SAMD3: variants seen among roughly 807,000 people sequenced by gnomAD.
SAMD3 encodes the protein sterile alpha motif domain-containing protein 3.
SAMD3 carries 63 observed loss-of-function variants against 58.5 expected under a neutral mutation model. The ratio of observed to expected loss-of-function variants is 1.08; its 90% CI spans 0.88 to 1.33. SAMD3 has a LOEUF of 1.33. Ranked by LOEUF, SAMD3 falls within the 40% of genes most tolerant of loss-of-function variation. SAMD3 has a pLI of 0.00. For missense variants in SAMD3, 604 were observed against 608.4 expected (o/e 0.99, Z 0.08); for synonymous variants, 220 against 210.3 (o/e 1.05, Z -0.40).
chr6:130,356,419 C>T (rs1562538872), intron 1 of SAMD3, among the ~76,000 whole-genome samples: 1 of 152,206 alleles, frequency 6.6e-6, no homozygotes, highest in Non-Finnish European at 1.5e-5. Context: ...AAGAGAACTT[C>T]TCTGATATTC....
At chr6:130,216,089 G>A (rs1205289682) in intron 2 of SAMD3, among the ~76,000 whole-genome samples, 1 of 56,526 alleles carries the variant, frequency 1.8e-5, no homozygotes, top group Non-Finnish European at 3.5e-5. Context: ...CGTGAAAGAA[G>A]CGTAGGCAAG....
chr6:130,210,764 C>G (rs1056383920), intron 4 of SAMD3, among the ~76,000 whole-genome samples: 3 of 152,098 alleles, frequency 2.0e-5, no homozygotes, highest in Non-Finnish European at 4.4e-5. Flanking sequence ...ATACCCTCCT[C>G]CCTTTTAGAA....
chr6:130,262,982 CT>C (rs1243860285), intron 2 of SAMD3, among the ~76,000 whole-genome samples: 5 of 152,052 alleles, frequency 3.3e-5, no homozygotes, highest in African/African-American at 9.7e-5. Flanking sequence ...TAAAAAGAAT[CT>C]ATAAAATCTT....
chr6:130,299,644 A>G (rs918986463), intron 2 of SAMD3, among the ~76,000 whole-genome samples: 1 of 152,186 alleles, frequency 6.6e-6, no homozygotes, highest in Admixed American at 6.5e-5. Context: ...AGGCCAAAAA[A>G]CCAGACAAAG....
chr6:130,275,873 A>G (rs1015523990), intron 2 of SAMD3, among the ~76,000 whole-genome samples: 2 of 152,078 alleles, frequency 1.3e-5, no homozygotes, highest in Non-Finnish European at 2.9e-5. Flanking sequence ...CCTTGCTCGG[A>G]CATCTTTTAA....
At chr6:130,317,086 A>G (rs1336352536) in intron 1 of SAMD3, among the ~76,000 whole-genome samples, 2 of 152,158 alleles carry the variant, frequency 1.3e-5, no homozygotes, top group Non-Finnish European at 2.9e-5. Flanking sequence ...CTGAGTTACA[A>G]TTTGGATGTA....
At chr6:130,215,055 A>G in intron 3 of SAMD3, 140 bp downstream of exon 3, 1 of 486,606 alleles carries the variant, frequency 2.1e-6, no homozygotes, top group East Asian at 3.3e-5. Context: ...AAAGAAATGA[A>G]AAGTTCTCTA....
chr6:130,337,072 C>G (rs973043714), intron 1 of SAMD3, among the ~76,000 whole-genome samples: 3 of 152,144 alleles, frequency 2.0e-5, no homozygotes, highest in African/African-American at 7.2e-5. Flanking sequence ...CAGCTGGGTG[C>G]CTTGATATGG....
At chr6:130,186,390 A>T (rs1377302061) in intron 5 of SAMD3, among the ~76,000 whole-genome samples, 1 of 152,172 alleles carries the variant, frequency 6.6e-6, no homozygotes, top group East Asian at 1.9e-4. Context: ...ATCTATTTTT[A>T]TGATAAGCTC....
chr6:130,316,620 GA>G (rs1776382353), intron 1 of SAMD3, among the ~76,000 whole-genome samples: 1 of 152,154 alleles, frequency 6.6e-6, no homozygotes, highest in Non-Finnish European at 1.5e-5. Flanking sequence ...TCCCTTTTAG[GA>G]AATGCTTGGC....
intron 5 of SAMD3, among the ~76,000 whole-genome samples, chr6:130,186,328 C>T (rs763336445): frequency 1.3e-5 from 2 of 152,090 alleles, no homozygotes; most frequent in African/African-American, 4.8e-5. Flanking sequence ...TAAGAATGCA[C>T]GAGCTATAAT....
intron 8 of SAMD3, among the ~76,000 whole-genome samples, chr6:130,157,914 A>G (rs1021027508): frequency 2.7e-5 from 4 of 150,262 alleles, no homozygotes; most frequent in African/African-American, 9.8e-5. Flanking sequence ...ACGCTAACAT[A>G]GAAAATACAA....
intron 2 of SAMD3, among the ~76,000 whole-genome samples, chr6:130,237,201 G>T (rs978346816): frequency 7.9e-5 from 12 of 152,124 alleles, no homozygotes; most frequent in Admixed American, 6.5e-4. Flanking sequence ...GAAGGTCAAG[G>T]GGTCTGGGTA....
chr6:130,287,491 T>A (rs1775198996), intron 2 of SAMD3, among the ~76,000 whole-genome samples: 1 of 152,198 alleles, frequency 6.6e-6, no homozygotes, highest in Non-Finnish European at 1.5e-5. Context: ...AATAAGGTGT[T>A]AATTTGAGGA....
At chr6:130,255,801 A>G (rs1773908319) in intron 2 of SAMD3, among the ~76,000 whole-genome samples, 1 of 151,708 alleles carries the variant, frequency 6.6e-6, no homozygotes, top group Non-Finnish European at 1.5e-5. Context: ...ACCCCAGTCT[A>G]TATTATTAAA....
rs73607948 is a variant in SAMD3 at position 130,252,011 on chromosome 6, G to A, written c.-187-29198C>T. The stretch of plus-strand genomic sequence containing the variant: ...CCTTGTTGAAAGTGGGCTATTGAAG[G>A]CTCCATTATTGTTGTCTTCTTCTCT... On this transcript the variant is annotated intron_variant, in intron 2 of 13. Coordinates refer to the SAMD3 transcript ENST00000368134. Among the ~76,000 whole-genome samples, 3 of 151,622 alleles carry A rather than the reference G, an allele frequency of 2.0e-5. No homozygotes were observed. In the East Asian group the frequency reaches 5.8e-4, roughly 29 times the overall value.
intron 2 of SAMD3, among the ~76,000 whole-genome samples, chr6:130,292,264 TTTCTTTC>T (rs1775389847): frequency 1.6e-5 from 2 of 126,592 alleles, no homozygotes; most frequent in Non-Finnish European, 1.6e-5. Flanking sequence ...TTTTTTTTTC[TTTCTTTC>T]TTTTTTTTTT....
intron 1 of SAMD3, among the ~76,000 whole-genome samples, chr6:130,345,600 G>A (rs746642818): frequency 1.3e-5 from 2 of 151,978 alleles, no homozygotes; most frequent in Non-Finnish European, 2.9e-5. Context: ...AAACACCCCC[G>A]AGAGGCAGCA....
upstream of SAMD3, among the ~76,000 whole-genome samples, chr6:130,226,352 A>G (rs115420041): frequency 2.7e-3 from 405 of 152,314 alleles, 3 homozygotes; most frequent in African/African-American, 9.4e-3. Context: ...GTGAGTTCTT[A>G]TAGTATTTCT....
Sources: gnomAD v4.1 joint callset for allele counts (sites outside exome capture counted in the v4.1 genomes callset) on GRCh38, gnomAD v4.1.1 for gene constraint, MANE v1.5 for transcripts, NCBI Gene and HGNC (gene_info 2026-07-23, HGNC 2026-07-21) for gene names.